Variants in SLC24A4 observed in about 807,000 individuals in gnomAD.
SLC24A4 encodes the protein sodium/potassium/calcium exchanger 4.
A neutral mutation model predicts 79.0 loss-of-function variants in SLC24A4; 53 were observed. The ratio of observed to expected loss-of-function variants is 0.67; its 90% CI spans 0.54 to 0.84. The LOEUF (loss-of-function observed/expected upper bound fraction) is 0.84, where lower values mean the gene tolerates loss of function less well. SLC24A4 is among the 40% of genes least tolerant of loss of function. SLC24A4 has a pLI of 0.00. For missense variants in SLC24A4, 731 were observed against 822.0 expected (o/e 0.89, Z 1.35); for synonymous variants, 323 against 323.8 (o/e 1.00, Z 0.03).
At chr14:92,350,375 G>A (rs532576960) in intron 2 of SLC24A4, among the ~76,000 whole-genome samples, 1 of 152,270 alleles carries the variant, frequency 6.6e-6, no homozygotes, top group East Asian at 1.9e-4. Context: ...TACATTTGCA[G>A]GAAAGAGTGA....
At chr14:92,333,941 C>A (rs1021220340) in intron 2 of SLC24A4, among the ~76,000 whole-genome samples, 4 of 151,628 alleles carry the variant, frequency 2.6e-5, no homozygotes, top group African/African-American at 4.9e-5. Context: ...TCTGTAGACT[C>A]CCCTGTGCGG....
intron 2 of SLC24A4, among the ~76,000 whole-genome samples, chr14:92,379,838 C>A (rs79778116): frequency 0.022 from 3,425 of 152,254 alleles, 72 homozygotes; most frequent in African/African-American, 0.054. Context: ...CGCCAGCACA[C>A]CCATACTTCC....
intron 12 of SLC24A4, among the ~76,000 whole-genome samples, chr14:92,479,049 C>T (rs1280214997): frequency 6.6e-6 from 1 of 152,144 alleles, no homozygotes; most frequent in Non-Finnish European, 1.5e-5. Flanking sequence ...ACATATCTTA[C>T]AAATTGGCTG....
At chr14:92,327,075 C>G (rs1885186072) in intron 2 of SLC24A4, among the ~76,000 whole-genome samples, 1 of 152,214 alleles carries the variant, frequency 6.6e-6, no homozygotes, top group African/African-American at 2.4e-5. Context: ...ACAAGTTGCT[C>G]AAAGTCACAG....
chr14:92,341,265 G>T (rs1886125344), intron 2 of SLC24A4, among the ~76,000 whole-genome samples: 2 of 152,180 alleles, frequency 1.3e-5, no homozygotes, highest in African/African-American at 4.8e-5. Flanking sequence ...GAAGGTTGCT[G>T]ACCTTGCCTG....
intron 6 of SLC24A4, 45 bp downstream of exon 6, chr14:92,442,861 G>GTGGGGGATGA (rs1366089498): frequency 6.8e-7 from 1 of 1,475,498 alleles, no homozygotes; most frequent in East Asian, 2.3e-5. Flanking sequence ...GCCCTGAAGC[G>GTGGGGGATGA]TGGGGGATGA....
chr14:92,482,306 T>C (rs903339816), intron 12 of SLC24A4, among the ~76,000 whole-genome samples: 7 of 152,228 alleles, frequency 4.6e-5, no homozygotes, highest in Non-Finnish European at 1.0e-4. Context: ...GAGGAGGAAG[T>C]AGAGTTGGGA....
chr14:92,431,296 T>C (rs916883650), intron 2 of SLC24A4, among the ~76,000 whole-genome samples: 5 of 152,190 alleles, frequency 3.3e-5, no homozygotes, highest in African/African-American at 1.2e-4. Context: ...TGCTGTGATC[T>C]CCATTCGTAG....
At chr14:92,480,286 C>CTTTTTT (rs66533065) in intron 12 of SLC24A4, among the ~76,000 whole-genome samples, 1,105 of 63,056 alleles carry the variant, frequency 0.018, 155 homozygotes, top group South Asian at 0.057. Context: ...AGATCTTTCC[C>CTTTTTT]TTTTTTTTTT....
intron 13 of SLC24A4, chr14:92,484,826 A>G (rs1284318766): frequency 4.1e-6 from 4 of 985,288 alleles, no homozygotes; most frequent in Non-Finnish European, 4.8e-6. Flanking sequence ...ATTGAAACCA[A>G]CAGCCAATTA....
intron 2 of SLC24A4, among the ~76,000 whole-genome samples, chr14:92,425,015 G>T (rs1891492143): frequency 1.3e-5 from 2 of 152,198 alleles, no homozygotes; most frequent in Non-Finnish European, 2.9e-5. Context: ...TTAGGCACTA[G>T]CTCCAAGATT....
chr14:92,388,830 C>T (rs1004198072), intron 2 of SLC24A4, among the ~76,000 whole-genome samples: 2 of 152,158 alleles, frequency 1.3e-5, no homozygotes, highest in Non-Finnish European at 2.9e-5. Context: ...CCCAGAGTGG[C>T]CCCCAGACCA....
Position 92,323,637 on chromosome 14 carries a change from G to A in SLC24A4, c.-194G>A. The A allele has an allele frequency of 1.8e-6, 1 of 555,478 alleles. No individual in the cohort carries two copies. 34.4% of individuals were successfully genotyped at this position (555,478 alleles called of 1,614,324 possible). On this transcript the variant is annotated 5_prime_UTR_variant, in exon 1 of 17. Transcript: ENST00000532405. This position sits in a 1 kb window ranked among gnomAD's most constrained non-coding sequence, Gnocchi z 4.9. Reference sequence around the variant, plus strand: ...GCGCGCGGGACTCTGAGCTCCGGCCGCGTCGCGCGTCCCCACCTTCCCAAG... The same window carrying A: ...GCGCGCGGGACTCTGAGCTCCGGCCACGTCGCGCGTCCCCACCTTCCCAAG...
chr14:92,377,939 C>T (rs1303433912), intron 2 of SLC24A4, among the ~76,000 whole-genome samples: 2 of 148,926 alleles, frequency 1.3e-5, no homozygotes, highest in Non-Finnish European at 3.0e-5. Flanking sequence ...TGATACCTAA[C>T]AGAAAGGGGG....
At chr14:92,474,843 G>GTGTGTGTATATATA (rs779007741) in intron 12 of SLC24A4, among the ~76,000 whole-genome samples, 1 of 23,882 alleles carries the variant, frequency 4.2e-5, no homozygotes, top group Non-Finnish European at 1.2e-4. Flanking sequence ...GTGTGTGTGT[G>GTGTGTGTATATATA]TATATATATA....
At chr14:92,442,042 G>C in intron 4 of SLC24A4, 47 bp from the exon 5 acceptor site, 1 of 1,475,922 alleles carries the variant, frequency 6.8e-7, no homozygotes. Context: ...GTGATGTCCA[G>C]TACCCCCACG....
chr14:92,343,402 C>T (rs1359517349), intron 2 of SLC24A4, among the ~76,000 whole-genome samples: 1 of 152,162 alleles, frequency 6.6e-6, no homozygotes, highest in Non-Finnish European at 1.5e-5. Context: ...AGAGATTCCC[C>T]ATCACCCTCC....
chr14:92,491,767 A>G lies in SLC24A4; in HGVS notation c.1640A>G (p.Tyr547Cys), dbSNP rs1185536305. The G allele has an allele frequency of 6.2e-7, 1 of 1,611,170 alleles. No individual in the cohort carries two copies. Among genetic ancestry groups the G allele is most frequent in the Non-Finnish European group, 8.5e-7 (1 of 1,177,422 alleles). ...PWGLQTMVVN[Y>C]GSTVKINSRG... ...GGCCTGCAGACCATGGTTGTTAATT[A>G]TGGATCAACAGTAAGTTCCTCTCAC... The change falls in exon 15 of 17, where the codon TAT becomes TGT. Residue 547 changes from tyrosine (Y) to cysteine (C), a missense_variant. Tyr to Cys is a radical substitution (Grantham distance 194, BLOSUM62 -2). Transcript: ENST00000532405.
chr14:92,323,854 G>T lies in SLC24A4; in HGVS notation c.24G>T (p.Arg8=), dbSNP rs769282619. Residue 8 remains arginine (R), a synonymous_variant, in exon 1 of 17, where the codon CGG becomes CGT. Coordinates refer to ENST00000532405, the MANE Select transcript of SLC24A4 (RefSeq NM_153646.4). This position sits in a 1 kb window ranked among gnomAD's most constrained non-coding sequence, Gnocchi z 4.9. MALRGTL[R]PLKVRRRREM... is the part of the protein sequence containing the mutation. ...GGATGGCGCTCCGCGGGACCCTCCG[G>T]CCGCTCAAAGTTCGCAGGAGGCGAG... 2.5e-6 allele frequency: 4 copies of T among 1,592,492 alleles called. No individual in the cohort carries two copies. In the African/African-American group the frequency reaches 5.3e-5, roughly 21 times the overall value.
Sources: allele counts gnomAD v4.1 joint callset (sites outside exome capture counted in the v4.1 genomes callset), GRCh38; gene constraint gnomAD v4.1.1; non-coding constraint Gnocchi (gnomAD v3.1); transcripts MANE v1.5; gene names NCBI Gene and HGNC (gene_info 2026-07-23, HGNC 2026-07-21).